ADGRA3: variants seen among roughly 807,000 people sequenced by gnomAD.
ADGRA3 encodes the protein G-protein coupled receptor 125.
A neutral mutation model predicts 119.8 loss-of-function variants in ADGRA3; 56 were observed. The ratio of observed to expected loss-of-function variants is 0.47; its 90% CI spans 0.38 to 0.58. The LOEUF (loss-of-function observed/expected upper bound fraction) is 0.58, where lower values mean the gene tolerates loss of function less well. Ranked by LOEUF, ADGRA3 falls within the 20% of genes least tolerant of loss-of-function variation. The probability of loss-of-function intolerance (pLI) is 0.00; values close to 1 mark genes in which losing one functional copy is unlikely to be tolerated. For synonymous variants in ADGRA3, 607 were observed against 623.8 expected, an observed-to-expected ratio of 0.97 and a Z score of 0.40; for missense variants, 1,516 against 1,649.0, an observed-to-expected ratio of 0.92 and a Z score of 1.40.
At position 22,504,574 on chromosome 4, in the gene ADGRA3, A is replaced by G. The variant is rs576088925; in HGVS notation, c.257+10954T>C. The stretch of plus-strand genomic sequence containing the variant: ...CAGCACGCCACTCTCTGCTTTACCA[A>G]TAGTCGTTTTTCCTGGCTTCTATGA... On this transcript the variant is annotated intron_variant, in intron 1 of 18. Transcript: ENST00000334304. Among the ~76,000 whole-genome samples, 4 of 152,122 alleles carry G rather than the reference A, an allele frequency of 2.6e-5. No individual in the cohort carries two copies. The East Asian group carries it at 5.8e-4, about 22-fold the overall frequency.
At chr4:22,508,135 G>A (rs1719310839) in intron 1 of ADGRA3, among the ~76,000 whole-genome samples, 1 of 152,194 alleles carries the variant, frequency 6.6e-6, no homozygotes, top group African/African-American at 2.4e-5. Context: ...AAGGGTATAT[G>A]CATTCTGAGA....
At chr4:22,501,308 T>G (rs1346827474) in intron 1 of ADGRA3, among the ~76,000 whole-genome samples, 1 of 149,776 alleles carries the variant, frequency 6.7e-6, no homozygotes, top group South Asian at 2.2e-4. Flanking sequence ...TAAAGACAAG[T>G]GTTTTCTGAA....
chr4:22,515,386 A>G (rs79253282), intron 1 of ADGRA3, 142 bp downstream of exon 1: 27,089 of 980,654 alleles, frequency 0.028, 414 homozygotes, highest in Non-Finnish European at 0.031. Context: ...TGCCAAGCAC[A>G]CGAGGTCTTT....
intron 1 of ADGRA3, among the ~76,000 whole-genome samples, chr4:22,496,502 T>G (rs1718829695): frequency 1.3e-5 from 2 of 152,218 alleles, no homozygotes; most frequent in African/African-American, 4.8e-5. Context: ...CATCAGTTCT[T>G]AATACCTAGC....
At chr4:22,442,491 A>C (rs1716653512) in intron 7 of ADGRA3, among the ~76,000 whole-genome samples, 159 bp downstream of exon 7, 1 of 152,160 alleles carries the variant, frequency 6.6e-6, no homozygotes, top group African/African-American at 2.4e-5. Context: ...TAATTTTAGA[A>C]GATGAATAAG....
In ADGRA3 at chr4:22,387,824, G is replaced by C. The variant is rs897922444; in HGVS notation, c.3847C>G (p.Leu1283Val). ...GGTCCATTCTGAATGGCCAAGTTGA[G>C]GCCATAAGATTTTTGCTGATTTTCA... ...ELENQQKSYG[L>V]NLAIQNGPIK... The change falls in exon 19 of 19, where the codon CTC becomes GTC. Residue 1283 changes from leucine (L) to valine (V), a missense_variant. By Grantham distance (32) the Leu-to-Val change is conservative. Transcript: ENST00000334304. 2.5e-6 allele frequency: 4 copies of C among 1,614,018 alleles called. No homozygotes were observed. In the African/African-American group the frequency reaches 5.3e-5, roughly 22 times the overall value.
intron 6 of ADGRA3, chr4:22,443,270 G>C (rs371683423): frequency 3.7e-5 from 18 of 484,120 alleles, no homozygotes; most frequent in East Asian, 1.7e-4. Flanking sequence ...TAAAACTAAT[G>C]CATGTTCACT....
At chr4:22,508,486 G>C (rs1002734699) in intron 1 of ADGRA3, among the ~76,000 whole-genome samples, 2 of 152,160 alleles carry the variant, frequency 1.3e-5, no homozygotes, top group East Asian at 1.9e-4. Context: ...TGCCTCAACC[G>C]ATGTCCATGG....
chr4:22,491,130 C>A (rs1718608572), intron 1 of ADGRA3, among the ~76,000 whole-genome samples: 1 of 152,176 alleles, frequency 6.6e-6, no homozygotes, highest in Non-Finnish European at 1.5e-5. Flanking sequence ...CTCTTTCTGC[C>A]TGCAGCCAGC....
rs552762453 is a variant in ADGRA3, at chr4:22,442,895, A to G, written c.707-32T>C. 5 of 1,487,660 alleles carry G rather than the reference A, an allele frequency of 3.4e-6. No individual in the cohort carries two copies. In the African/African-American group the frequency reaches 4.2e-5, roughly 12 times the overall value. The allele number at this position is 1,487,660 out of a possible 1,614,324, so 92.2% of individuals were successfully genotyped here. On this transcript the variant is annotated intron_variant, in intron 6 of 18. Coordinates refer to ENST00000334304, the MANE Select transcript of ADGRA3 (RefSeq NM_145290.4). ...ACAATCAAACAAAGATTCAGTAAAC[A>G]AATATAATTTCCAAACACCATAATT...
Position 22,422,369 on chromosome 4 carries a change from AAAT to A in ADGRA3, c.1606-1283_1606-1281del, listed in dbSNP as rs543815501. 1.2e-3 allele frequency among the ~76,000 whole-genome samples: 180 copies of A among 152,342 alleles called. 1 individual carries two copies. Among genetic ancestry groups the A allele is most frequent in the African/African-American group, 4.2e-3 (175 of 41,578 alleles). ...TGGCAAGTCTTATGCATGTGAGAGA[AAAT>A]AATTAGTGGTTCCCAAACTTTTCAA... On this transcript the variant is annotated intron_variant, in intron 11 of 18. Transcript: ENST00000334304.
intron 1 of ADGRA3, among the ~76,000 whole-genome samples, chr4:22,504,687 C>T (rs1719176450): frequency 2.6e-5 from 4 of 151,820 alleles, no homozygotes; most frequent in Admixed American, 2.6e-4. Flanking sequence ...CCAGCCCCTC[C>T]CTCTCACATG....
chr4:22,454,774 T>C (rs1201181993), intron 4 of ADGRA3, 92 bp downstream of exon 4: 4 of 911,188 alleles, frequency 4.4e-6, no homozygotes, highest in Non-Finnish European at 7.2e-6. Context: ...CTACAGTTGC[T>C]ACTTATAATT....
intron 1 of ADGRA3, among the ~76,000 whole-genome samples, chr4:22,487,861 C>G (rs1211422308): frequency 6.6e-6 from 1 of 152,164 alleles, no homozygotes; most frequent in Non-Finnish European, 1.5e-5. Flanking sequence ...ACTACAATGG[C>G]CCGCCAAACC....
intron 6 of ADGRA3, among the ~76,000 whole-genome samples, chr4:22,443,310 A>G (rs888038162): frequency 1.3e-5 from 2 of 152,208 alleles, no homozygotes; most frequent in African/African-American, 4.8e-5. Context: ...TAAAGAAAAC[A>G]GAAAAAAACA....
At chr4:22,404,668 A>G (rs1388205281) in intron 14 of ADGRA3, among the ~76,000 whole-genome samples, 1 of 152,212 alleles carries the variant, frequency 6.6e-6, no homozygotes, top group Non-Finnish European at 1.5e-5. Flanking sequence ...AATTAAGTAC[A>G]CAAAAGGGAA....
At chr4:22,465,446 T>C (rs1165254033) in intron 2 of ADGRA3, among the ~76,000 whole-genome samples, 1 of 152,178 alleles carries the variant, frequency 6.6e-6, no homozygotes, top group African/African-American at 2.4e-5. Context: ...GGTCAAGATC[T>C]GAGTCTGGAG....
In ADGRA3 at chr4:22,387,479, G is replaced by A; in HGVS notation, c.*226C>T. ...TACATTTCACATCCCAAAATGTCCT[G>A]TTGGTGCTTTGACAACTAAAACAAT... is the stretch of plus-strand genomic sequence containing the variant. On this transcript the variant is annotated 3_prime_UTR_variant, in exon 19 of 19. Transcript: ENST00000334304. The A allele has an allele frequency of 2.3e-6, 1 of 444,368 alleles. No individual in the cohort carries two copies. The highest frequency in any genetic ancestry group is 4.0e-6 in the Non-Finnish European group (1 of 250,876). The allele number at this position is 444,368 out of a possible 1,614,324, so 27.5% of individuals were successfully genotyped here.
intron 7 of ADGRA3, among the ~76,000 whole-genome samples, chr4:22,440,493 G>A (rs1577350145): frequency 6.6e-6 from 1 of 152,076 alleles, no homozygotes; most frequent in African/African-American, 2.4e-5. Flanking sequence ...CAAAATCTAG[G>A]TAAAGAACTG....
Sources: gnomAD v4.1 joint callset for allele counts (sites outside exome capture counted in the v4.1 genomes callset) on GRCh38, gnomAD v4.1.1 for gene constraint, MANE v1.5 for transcripts, NCBI Gene and HGNC (gene_info 2026-07-23, HGNC 2026-07-21) for gene names.